The following FLOT2 variants were observed in gnomAD, a reference collection of about 807,000 sequenced individuals.
The protein encoded by FLOT2 is flotillin-2.
FLOT2 carries 35 observed loss-of-function variants against 54.9 expected under a neutral mutation model. That is an observed-to-expected ratio of 0.64 (90% CI 0.49 to 0.84). The LOEUF (loss-of-function observed/expected upper bound fraction) is 0.84, where lower values mean the gene tolerates loss of function less well. Ranked by LOEUF, FLOT2 falls within the 40% of genes least tolerant of loss-of-function variation. The pLI, the probability that FLOT2 is intolerant of heterozygous loss-of-function variation, is 0.00. For synonymous variants in FLOT2, 207 were observed against 228.9 expected (o/e 0.90, Z 0.86); for missense variants, 464 against 572.1 (o/e 0.81, Z 1.93).
intron 1 of FLOT2, among the ~76,000 whole-genome samples, chr17:28,895,978 C>A (rs2039735021): frequency 6.6e-6 from 1 of 152,038 alleles, no homozygotes; most frequent in Non-Finnish European, 1.5e-5. Context: ...TCGCAGGAGT[C>A]CACACACAAG....
rs774269510 is a variant in FLOT2 at position 28,881,365 on chromosome 17, C to T, written c.925G>A (p.Val309Ile). 9 of 1,611,284 alleles carry T rather than the reference C, an allele frequency of 5.6e-6. No homozygotes were observed. The highest frequency in any genetic ancestry group is 5.9e-6 in the Non-Finnish European group (7 of 1,180,006). ...TCAGCCTCTGCCTGTGCCAAGAGGACCTGCTTCACCCTGGGGGAGCCCAGG... is the reference window on the plus strand; with the variant it reads ...TCAGCCTCTGCCTGTGCCAAGAGGATCTGCTTCACCCTGGGGGAGCCCAGG... ...QIAEGEKVKQ[V>I]LLAQAEAEKI... Residue 309 changes from valine (V) to isoleucine (I), a missense_variant, in exon 9 of 11, where the codon GTC (valine) becomes ATC (isoleucine). By Grantham distance (29) the Val-to-Ile change is conservative. Transcript: ENST00000394908.
intron 2 of FLOT2, among the ~76,000 whole-genome samples, chr17:28,887,728 C>T (rs989112307): frequency 2.6e-5 from 4 of 152,184 alleles, no homozygotes; most frequent in African/African-American, 9.7e-5. Flanking sequence ...GGGCTCCCCA[C>T]GGCTTCTGAC....
chr17:28,880,641 C>T (rs753921937), intron 10 of FLOT2, 42 bp from the exon 11 acceptor site: 4 of 1,613,892 alleles, frequency 2.5e-6, no homozygotes, highest in Non-Finnish European at 2.5e-6. Flanking sequence ...GCTCCAGAGC[C>T]CAGGACCACT....
intron 1 of FLOT2, among the ~76,000 whole-genome samples, chr17:28,894,227 CTG>C (rs753536821): frequency 6.6e-6 from 1 of 152,196 alleles, no homozygotes; most frequent in South Asian, 2.1e-4. Context: ...TGGCTCATGA[CTG>C]TAATTCCAGC....
Position 28,883,117 on chromosome 17 carries a change from A to G in FLOT2, c.337T>C (p.Ser113Pro). 1 of 1,614,078 alleles carries G rather than the reference A, an allele frequency of 6.2e-7. No individual in the cohort carries two copies. The highest frequency in any genetic ancestry group is 8.5e-7 in the Non-Finnish European group (1 of 1,179,988). ...VLQTLEGHLR[S>P]ILGTLTVEQI... is the part of the protein sequence containing the mutation. ...CTGAACAGGGCCTCACCGAGGATGG[A>G]GCGCAGATGTCCCTCCAGGGTCTGC... The change falls in exon 4 of 11, where the codon TCC becomes CCC. Residue 113 changes from serine (S) to proline (P), a missense_variant. Transcript: ENST00000394908. This position sits in a 1 kb window ranked among gnomAD's most constrained non-coding sequence, Gnocchi z 5.0.
rs2039760116 is a variant in FLOT2, at chr17:28,897,374, A to C, written c.49+152T>G. The C allele has an allele frequency of 7.8e-6, 5 of 640,146 alleles. No homozygotes were observed. In the East Asian group the frequency reaches 1.4e-4, roughly 18 times the overall value. 39.7% of individuals were successfully genotyped at this position (640,146 alleles called of 1,614,324 possible). On this transcript the variant is annotated intron_variant, in intron 1 of 10. Coordinates refer to ENST00000394908, the MANE Select transcript of FLOT2 (RefSeq NM_004475.3). This position sits in a 1 kb window ranked among gnomAD's most constrained non-coding sequence, Gnocchi z 4.4. ...GCAGCAAGGAAAGCGTGAGCACGAG[A>C]TCTCTCTTGGAAGGGGCCTCAGGTG...
intron 2 of FLOT2, chr17:28,885,547 C>T: frequency 1.4e-6 from 1 of 716,172 alleles, no homozygotes; most frequent in Non-Finnish European, 2.6e-6. Context: ...ACACCCAAGC[C>T]CAAGAATAGA....
At chr17:28,887,949 G>A (rs976315844) in intron 2 of FLOT2, among the ~76,000 whole-genome samples, 11 of 152,188 alleles carry the variant, frequency 7.2e-5, no homozygotes, top group Non-Finnish European at 1.2e-4. Flanking sequence ...CATTCCCCCC[G>A]ACCCTAGCAG....
Position 28,882,581 on chromosome 17 carries a change from T to C in FLOT2, c.457A>G (p.Thr153Ala). 6.2e-7 allele frequency: 1 copy of C among 1,609,428 alleles called. No individual in the cohort carries two copies. The highest frequency in any genetic ancestry group is 8.5e-7 in the Non-Finnish European group (1 of 1,175,920). The change falls in exon 5 of 11, where the codon ACC becomes GCC. Residue 153 changes from threonine (T) to alanine (A), a missense_variant. Coordinates refer to ENST00000394908, the MANE Select transcript of FLOT2 (RefSeq NM_004475.3). The surrounding 1 kb of genome is among the most constrained non-coding windows in gnomAD (Gnocchi z 5.6). ...TTCCCATCACGTCGTACCTTGATGG[T>C]GAAGCTGAGGATCTCAATGCCCATG... is the stretch of plus-strand genomic sequence containing the variant. ...GRMGIEILSF[T>A]IKDVYDKVDY...
intron 9 of FLOT2, 141 bp downstream of exon 9, chr17:28,881,051 C>G (rs934485175): frequency 3.0e-5 from 31 of 1,023,852 alleles, no homozygotes; most frequent in African/African-American, 4.8e-5. Context: ...GTTCCTGCCC[C>G]CTGCTGAGGA....
chr17:28,892,822 T>TA (rs1407694526), intron 1 of FLOT2: 1 of 152,192 alleles, frequency 6.6e-6, no homozygotes, highest in Non-Finnish European at 1.5e-5. Flanking sequence ...GGCTAATTTT[T>TA]AAATTGTTAG....
rs1344211229 is a variant in FLOT2, at chr17:28,885,730, G to A, written c.132-1415C>T. The stretch of plus-strand genomic sequence containing the variant: ...CATCCTGGCACCCAGAGCAGTGGAG[G>A]AGAGAAAAGAGGAGAGGGAGGAAGG... On this transcript the variant is annotated intron_variant, in intron 2 of 10. Coordinates refer to ENST00000394908, the MANE Select transcript of FLOT2 (RefSeq NM_004475.3). The A allele has an allele frequency of 3.4e-5, 25 of 727,686 alleles. No homozygotes were observed. The Admixed American group carries it at 4.6e-4, about 13-fold the overall frequency. The allele number at this position is 727,686 out of a possible 1,614,324, so 45.1% of individuals were successfully genotyped here. A position where few individuals can be genotyped will look rare whatever the true frequency, so the allele number is the denominator to read the frequency against.
At chr17:28,886,267 C>T (rs192750889) in intron 2 of FLOT2, among the ~76,000 whole-genome samples, 1 of 152,364 alleles carries the variant, frequency 6.6e-6, no homozygotes, top group East Asian at 1.9e-4. Context: ...GTGCACAGGG[C>T]ACCTGGGTTG....
Position 28,882,060 on chromosome 17 carries a change from G to A in FLOT2, c.700-32C>T. 1 of 1,614,088 alleles carries A rather than the reference G, an allele frequency of 6.2e-7. No individual in the cohort carries two copies. Among genetic ancestry groups the A allele is most frequent in the Non-Finnish European group, 8.5e-7 (1 of 1,179,936 alleles). ...CAAGAGGGTGTGTGGCACATTAGAG[G>A]CTGGTCACCAAGTCCTGATCCCTGA... On this transcript the variant is annotated intron_variant, in intron 7 of 10. Coordinates refer to ENST00000394908, the MANE Select transcript of FLOT2 (RefSeq NM_004475.3). This position sits in a 1 kb window ranked among gnomAD's most constrained non-coding sequence, Gnocchi z 5.6.
Position 28,884,447 on chromosome 17 carries a change from T to C in FLOT2, c.132-132A>G. On this transcript the variant is annotated intron_variant, in intron 2 of 10. Coordinates refer to ENST00000394908, the MANE Select transcript of FLOT2 (RefSeq NM_004475.3). The surrounding 1 kb of genome is among the most constrained non-coding windows in gnomAD (Gnocchi z 5.1). ...GTGGAGGGAGGACTCTCCACGGGGC[T>C]GAGATGGGAGTGTCTGAGAAGGAGG... 3.3e-6 allele frequency: 2 copies of C among 615,046 alleles called. No individual in the cohort carries two copies. The highest frequency in any genetic ancestry group is 5.8e-6 in the Non-Finnish European group (2 of 345,944). The allele number at this position is 615,046 out of a possible 1,614,324, so 38.1% of individuals were successfully genotyped here. A position where few individuals can be genotyped will look rare whatever the true frequency, so the allele number is the denominator to read the frequency against.
At chr17:28,881,546 C>T (rs1050175391) in intron 8 of FLOT2, among the ~76,000 whole-genome samples, 171 bp from the exon 9 acceptor site, 7 of 152,198 alleles carry the variant, frequency 4.6e-5, no homozygotes, top group Admixed American at 3.3e-4. Context: ...GAAAGGCCAC[C>T]GGCTCCCATC....
At chr17:28,890,154 A>G (rs1162684755) in intron 1 of FLOT2, among the ~76,000 whole-genome samples, 1 of 152,170 alleles carries the variant, frequency 6.6e-6, no homozygotes, top group Non-Finnish European at 1.5e-5. Flanking sequence ...AACATTCAGA[A>G]TGACTTTGTT....
At chr17:28,890,862 CTTTT>C (rs869029497) in intron 1 of FLOT2, among the ~76,000 whole-genome samples, 4 of 74,956 alleles carry the variant, frequency 5.3e-5, no homozygotes, top group African/African-American at 9.8e-5. Context: ...ATCATTTCTT[CTTTT>C]TTTTTTTTTT....
At chr17:28,891,680 TAATTA>T (rs747284267) in intron 1 of FLOT2, among the ~76,000 whole-genome samples, 5 of 152,242 alleles carry the variant, frequency 3.3e-5, no homozygotes, top group Non-Finnish European at 5.9e-5. Flanking sequence ...CTGAATTTTT[TAATTA>T]ATTTAAATGG....
Sources: gnomAD v4.1 joint callset for allele counts (sites outside exome capture counted in the v4.1 genomes callset) on GRCh38, gnomAD v4.1.1 for gene constraint, Gnocchi (gnomAD v3.1) non-coding constraint, MANE v1.5 for transcripts, NCBI Gene and HGNC (gene_info 2026-07-23, HGNC 2026-07-21) for gene names.